The following MAF variants were observed in gnomAD, a reference collection of about 807,000 sequenced individuals.
MAF encodes transcription factor Maf.
In MAF, 10 loss-of-function variants were observed where a neutral mutation model predicts 22.0. That is an observed-to-expected ratio of 0.45 (90% confidence interval 0.28 to 0.77). The LOEUF is 0.77. Among genes scored for constraint, MAF ranks in the 30% least tolerant of loss-of-function variants. The probability of loss-of-function intolerance (pLI) is 0.12; values close to 1 mark genes in which losing one functional copy is unlikely to be tolerated. For missense variants in MAF, 544 were observed against 548.4 expected, an observed-to-expected ratio of 0.99 and a Z score of 0.08; for synonymous variants, 337 against 255.8, an observed-to-expected ratio of 1.32 and a Z score of -3.03.
the MAF span, among the ~76,000 whole-genome samples, chr16:79,275,099 T>A: frequency 1.3e-5 from 2 of 152,184 alleles, no homozygotes; most frequent in Non-Finnish European, 2.9e-5. Flanking sequence ...CTCAGGCCTG[T>A]AATCCCAGCA....
the MAF span, among the ~76,000 whole-genome samples, chr16:79,216,442 A>C: frequency 7.9e-5 from 12 of 152,184 alleles, no homozygotes; most frequent in African/African-American, 2.4e-4. Context: ...GATGATGTAA[A>C]AGTGATATTC....
the MAF span, among the ~76,000 whole-genome samples, chr16:79,220,255 CAAAAAAAA>C: frequency 1.1e-5 from 1 of 94,060 alleles, no homozygotes; most frequent in Admixed American, 1.2e-4. Flanking sequence ...GACTCCATCT[CAAAAAAAA>C]AAAAAAAAAA....
the MAF span, among the ~76,000 whole-genome samples, chr16:79,505,128 C>T: frequency 2.0e-5 from 3 of 152,206 alleles, no homozygotes; most frequent in Non-Finnish European, 2.9e-5. Context: ...TTTATTAACT[C>T]ATTTTTAAAC....
chr16:79,214,166 T>G, the MAF span, among the ~76,000 whole-genome samples: 2 of 152,160 alleles, frequency 1.3e-5, no homozygotes, highest in African/African-American at 2.4e-5. Context: ...TTCCCCTCTA[T>G]TTTTTCTCCA....
the MAF span, among the ~76,000 whole-genome samples, chr16:79,418,601 C>G: frequency 2.6e-5 from 4 of 152,250 alleles, no homozygotes; most frequent in Admixed American, 6.5e-5. Context: ...GGCGTGCTCA[C>G]TCTAGGTATG....
At chr16:79,266,933 A>T in the MAF span, among the ~76,000 whole-genome samples, 1 of 152,180 alleles carries the variant, frequency 6.6e-6, no homozygotes, top group South Asian at 2.1e-4. Context: ...GATTGCAGGG[A>T]GACTCACACA....
the MAF span, among the ~76,000 whole-genome samples, chr16:79,349,170 C>T: frequency 6.6e-6 from 1 of 152,316 alleles, no homozygotes. Context: ...TCAGAGACGT[C>T]CTCTGCCTTG....
the MAF span, among the ~76,000 whole-genome samples, chr16:79,513,513 G>A: frequency 6.6e-6 from 1 of 152,202 alleles, no homozygotes; most frequent in Non-Finnish European, 1.5e-5. Context: ...CTGTGCAGTT[G>A]AAGGCAAATA....
rs1442477025 is a variant in MAF at position 79,599,552 on chromosome 16, G to A, written c.351C>T (p.Leu117=). The A allele has an allele frequency of 1.3e-6, 2 of 1,576,966 alleles. No homozygotes were observed. Among genetic ancestry groups the A allele is most frequent in the Non-Finnish European group, 8.6e-7 (1 of 1,161,982 alleles). Residue 117 remains leucine, a synonymous_variant, in exon 1 of 2, where the codon CTC becomes CTT. Transcript: ENST00000326043. ...GFSPEDAVEA[L]ISNSHQLQGG... ...CCTGGAGCTGGTGGCTGTTGCTGAT[G>A]AGCGCCTCGACCGCGTCCTCGGGGC...
chr16:79,323,042 C>G, the MAF span, among the ~76,000 whole-genome samples: 2 of 149,482 alleles, frequency 1.3e-5, no homozygotes. Context: ...CCCAGTCACT[C>G]GGGAGGCTGG....
the MAF span, among the ~76,000 whole-genome samples, chr16:79,395,872 G>A: frequency 1.3e-5 from 2 of 152,174 alleles, no homozygotes; most frequent in Admixed American, 1.3e-4. Flanking sequence ...AGGGCAGTGA[G>A]AGAGAACTGG....
At chr16:79,518,078 C>T in the MAF span, among the ~76,000 whole-genome samples, 2 of 152,182 alleles carry the variant, frequency 1.3e-5, no homozygotes, top group South Asian at 4.1e-4. Flanking sequence ...TCCTATTAAC[C>T]TTTGTAGACA....
chr16:79,396,245 T>C, the MAF span, among the ~76,000 whole-genome samples: 1 of 152,120 alleles, frequency 6.6e-6, no homozygotes, highest in African/African-American at 2.4e-5. Context: ...GCAGAAGCCA[T>C]CCTGGACCTA....
the MAF span, among the ~76,000 whole-genome samples, chr16:79,218,508 G>A: frequency 6.6e-6 from 1 of 152,174 alleles, no homozygotes; most frequent in Non-Finnish European, 1.5e-5. Context: ...CTTTGCCACA[G>A]AGAGCCACAA....
At chr16:79,402,950 G>C in the MAF span, among the ~76,000 whole-genome samples, 1 of 152,104 alleles carries the variant, frequency 6.6e-6, no homozygotes, top group Non-Finnish European at 1.5e-5. Flanking sequence ...GGAGCCTTGG[G>C]AGTCCTTGCC....
the MAF span, among the ~76,000 whole-genome samples, chr16:79,238,513 C>T: frequency 6.6e-6 from 1 of 152,002 alleles, no homozygotes; most frequent in African/African-American, 2.4e-5. Flanking sequence ...ATAACACTCA[C>T]TTAGTGCTGT....
At chr16:79,308,513 C>G in the MAF span, among the ~76,000 whole-genome samples, 1 of 152,162 alleles carries the variant, frequency 6.6e-6, no homozygotes, top group East Asian at 1.9e-4. Flanking sequence ...TAGGGACCAG[C>G]CAATGAAATG....
chr16:79,552,714 G>A, the MAF span, among the ~76,000 whole-genome samples: 1 of 152,152 alleles, frequency 6.6e-6, no homozygotes, highest in African/African-American at 2.4e-5. Context: ...CTGGGCAGCT[G>A]GTTCTGGGTT....
the MAF span, among the ~76,000 whole-genome samples, chr16:79,340,296 T>G: frequency 4.6e-5 from 7 of 151,960 alleles, no homozygotes; most frequent in African/African-American, 1.7e-4. Context: ...TTCAAAAAGA[T>G]GCCTTGTTAT....
Sources: gnomAD v4.1 joint callset for allele counts (sites outside exome capture counted in the v4.1 genomes callset) on GRCh38, gnomAD v4.1.1 for gene constraint, MANE v1.5 for transcripts, NCBI Gene and HGNC (gene_info 2026-07-23, HGNC 2026-07-21) for gene names.